Variants in HEATR5B observed in about 807,000 individuals in gnomAD.
The protein encoded by HEATR5B is HEAT repeat containing 5B.
Under a neutral mutation model 224.1 loss-of-function variants are expected in HEATR5B, and 156 were observed. The observed-to-expected ratio is 0.70, with a 90% confidence interval of 0.61 to 0.80. The LOEUF is 0.80. Ranked by LOEUF, HEATR5B falls within the 30% of genes least tolerant of loss-of-function variation. HEATR5B has a pLI of 0.00. For synonymous variants in HEATR5B, 1,027 were observed against 893.0 expected, an observed-to-expected ratio of 1.15 and a Z score of -2.68; for missense variants, 2,323 against 2,535.5, an observed-to-expected ratio of 0.92 and a Z score of 1.80.
At position 37,040,332 on chromosome 2, in the gene HEATR5B, G is replaced by A. The variant is rs747574453; in HGVS notation, c.3043C>T (p.Gln1015Ter). 6.2e-7 allele frequency: 1 copy of A among 1,610,538 alleles called. No homozygotes were observed. The highest frequency in any genetic ancestry group is 8.5e-7 in the Non-Finnish European group (1 of 1,178,026). The change falls in exon 20 of 36, where the codon CAA (glutamine) becomes TAA (stop). Residue 1015 changes from glutamine to a stop codon, truncating the protein, a stop_gained. Coordinates refer to ENST00000233099, the MANE Select transcript of HEATR5B (RefSeq NM_019024.3). LOFTEE classifies it high-confidence loss of function. ...TAATTTCAGATGATTTACTTACCTT[G>A]TAGTTCAGGGCCAACAGTAGTTATT... ...AIITTVGPEL[Q>*]GNGATTSTIR...
At chr2:36,988,523 G>C in intron 35 of HEATR5B, 123 bp downstream of exon 35, 2 of 744,666 alleles carry the variant, frequency 2.7e-6, no homozygotes, top group Admixed American at 2.8e-5. Context: ...GCCTCCCAGA[G>C]TGCTGGGACT....
Position 37,064,969 on chromosome 2 carries a change from G to A in HEATR5B, c.1355C>T (p.Ser452Leu). ...AGCCATGCTTGGATGAAGCAGCACTGAAGTCACAATCTCCAAAAGCCCTAA... is the reference window on the plus strand; with the variant it reads ...AGCCATGCTTGGATGAAGCAGCACTAAAGTCACAATCTCCAAAAGCCCTAA... ...ASIGLLEIVT[S>L]VLLHPSMAAR... The change falls in exon 10 of 36, where the codon TCA becomes TTA. Residue 452 changes from serine (S) to leucine (L), a missense_variant. Physicochemically the swap from Ser to Leu is moderately radical, Grantham distance 145 (BLOSUM62 -2). Coordinates refer to ENST00000233099, the MANE Select transcript of HEATR5B (RefSeq NM_019024.3). The A allele has an allele frequency of 6.2e-7, 1 of 1,613,920 alleles. No homozygotes were observed. Among genetic ancestry groups the A allele is most frequent in the Non-Finnish European group, 8.5e-7 (1 of 1,179,918 alleles).
intron 18 of HEATR5B, among the ~76,000 whole-genome samples, chr2:37,049,042 T>G (rs1040498389): frequency 2.6e-5 from 4 of 152,228 alleles, no homozygotes; most frequent in Non-Finnish European, 5.9e-5. Context: ...TTAATTTCTC[T>G]ACTTATGCAC....
intron 14 of HEATR5B, among the ~76,000 whole-genome samples, chr2:37,058,153 T>C (rs6716873): frequency 7.2e-5 from 11 of 152,294 alleles, no homozygotes; most frequent in African/African-American, 2.6e-4. Context: ...TAACTACCTC[T>C]AAGTCTTGGG....
At chr2:37,048,891 T>C (rs1670363763) in intron 18 of HEATR5B, among the ~76,000 whole-genome samples, 1 of 152,222 alleles carries the variant, frequency 6.6e-6, no homozygotes, top group African/African-American at 2.4e-5. Flanking sequence ...TCTTCAGAAC[T>C]ACTACTTCAT....
intron 16 of HEATR5B, 67 bp from the exon 17 acceptor site, chr2:37,053,674 TAAG>T (rs1311671775): frequency 1.2e-6 from 1 of 863,060 alleles, no homozygotes; most frequent in Non-Finnish European, 1.9e-6. Flanking sequence ...CAAAAACGGA[TAAG>T]AAGAGTACAA....
chr2:37,056,270 G>A (rs1322639978), intron 16 of HEATR5B, among the ~76,000 whole-genome samples, 170 bp downstream of exon 16: 1 of 151,956 alleles, frequency 6.6e-6, no homozygotes, highest in Non-Finnish European at 1.5e-5. Context: ...CAATTTGCAT[G>A]CAATTTTTTT....
chr2:37,020,276 A>C (rs1381055192), intron 25 of HEATR5B, among the ~76,000 whole-genome samples: 2 of 152,196 alleles, frequency 1.3e-5, no homozygotes, highest in Non-Finnish European at 2.9e-5. Flanking sequence ...ACTGCTATCT[A>C]TTTCTAAAAA....
At chr2:37,000,225 G>A (rs1042216248) in intron 33 of HEATR5B, among the ~76,000 whole-genome samples, 7 of 151,802 alleles carry the variant, frequency 4.6e-5, no homozygotes, top group African/African-American at 1.2e-4. Context: ...TTACAGGCAC[G>A]TGCCACCATA....
chr2:37,042,088 GAAC>G (rs2148501964), intron 18 of HEATR5B, among the ~76,000 whole-genome samples: 1 of 152,030 alleles, frequency 6.6e-6, no homozygotes, highest in South Asian at 2.1e-4. Flanking sequence ...AAAAAGAGAT[GAAC>G]ATTACTTTAA....
At chr2:37,040,662 T>G (rs538520516) in intron 19 of HEATR5B, 144 bp from the exon 20 acceptor site, 1 of 595,718 alleles carries the variant, frequency 1.7e-6, no homozygotes, top group African/African-American at 1.9e-5. Flanking sequence ...TAGGATGTTT[T>G]CATACACATT....
Position 37,003,654 on chromosome 2 carries a change from G to A in HEATR5B, c.4938C>T (p.His1646=), listed in dbSNP as rs1477227880. The change falls in exon 31 of 36, where the codon CAC becomes CAT. Residue 1646 remains histidine (H), a synonymous_variant. Coordinates refer to ENST00000233099, the MANE Select transcript of HEATR5B (RefSeq NM_019024.3). The stretch of plus-strand genomic sequence containing the variant: ...ATGGATTCCAGGTCAATAGAAGGCG[G>A]TGCAAAACACTCAGCAACTCAACAC... ...LIGVELLSVL[H]RLLLTWNPSS... is the part of the protein sequence containing the mutation. 1 of 1,610,456 alleles carries A rather than the reference G, an allele frequency of 6.2e-7. No individual in the cohort carries two copies. Among genetic ancestry groups the A allele is most frequent in the Non-Finnish European group, 8.5e-7 (1 of 1,177,984 alleles).
chr2:37,057,295 C>T, intron 15 of HEATR5B, 22 bp downstream of exon 15: 2 of 1,557,066 alleles, frequency 1.3e-6, no homozygotes, highest in South Asian at 1.2e-5. Flanking sequence ...GTTAGTATTT[C>T]ATTTTCCTCT....
At chr2:37,005,911 A>C (rs1667385913) in intron 29 of HEATR5B, 152 bp from the exon 30 acceptor site, 1 of 538,636 alleles carries the variant, frequency 1.9e-6, no homozygotes, top group South Asian at 3.1e-5. Flanking sequence ...TTTCCAAGTT[A>C]AACAGCCAAA....
At chr2:37,077,838 C>G (rs1672327131) in intron 3 of HEATR5B, among the ~76,000 whole-genome samples, 1 of 152,074 alleles carries the variant, frequency 6.6e-6, no homozygotes, top group South Asian at 2.1e-4. Flanking sequence ...CAGTGTCTAC[C>G]TCTTAATTTA....
At chr2:37,019,456 CTCTCT>C (rs1032965543) in intron 26 of HEATR5B, among the ~76,000 whole-genome samples, 68 of 151,330 alleles carry the variant, frequency 4.5e-4, no homozygotes, top group Non-Finnish European at 1.3e-4. Flanking sequence ...TTTTTCCTCT[CTCTCT>C]TTTTTTTTTT....
At chr2:36,999,838 C>G (rs796745633) in intron 33 of HEATR5B, among the ~76,000 whole-genome samples, 11 of 151,800 alleles carry the variant, frequency 7.2e-5, no homozygotes, top group African/African-American at 2.7e-4. Flanking sequence ...ACGGTGAAAC[C>G]ACGTCTTTAT....
intron 31 of HEATR5B, among the ~76,000 whole-genome samples, chr2:37,003,050 G>A (rs1667192222): frequency 6.6e-6 from 1 of 151,916 alleles, no homozygotes; most frequent in East Asian, 1.9e-4. Context: ...CTTGGGCTCA[G>A]GAGTTCGAGA....
In HEATR5B at chr2:37,040,464, G is replaced by C; in HGVS notation, c.2911C>G (p.Arg971Gly). The C allele has an allele frequency of 6.2e-7, 1 of 1,613,826 alleles. No homozygotes were observed. Among genetic ancestry groups the C allele is most frequent in the Non-Finnish European group, 8.5e-7 (1 of 1,179,818 alleles). The part of the protein sequence containing the change: ...LIVDSSGPMY[R>G]GYVEPTLSLV... ...GATAATGTTGGTTCCACATAGCCAC[G>C]ATACATCGGACCACTAGAATCCACT... Residue 971 changes from arginine (R) to glycine (G), a missense_variant, in exon 20 of 36, where the codon CGT (arginine) becomes GGT (glycine). Physicochemically the swap from Arg to Gly is moderately radical, Grantham distance 125. This residue lies in a region of HEATR5B where 44 missense variants were observed against 39.0 expected (regional missense o/e 1.13). Coordinates refer to ENST00000233099, the MANE Select transcript of HEATR5B (RefSeq NM_019024.3).
Sources: allele counts gnomAD v4.1 joint callset (sites outside exome capture counted in the v4.1 genomes callset), GRCh38; gene constraint gnomAD v4.1.1; regional missense constraint gnomAD v4.1.1; transcripts MANE v1.5; gene names NCBI Gene and HGNC (gene_info 2026-07-23, HGNC 2026-07-21).